Variants in ALMS1 observed in about 807,000 individuals in gnomAD.
The protein encoded by ALMS1 is centrosome-associated protein ALMS1.
In ALMS1, 271 loss-of-function variants were observed where a neutral mutation model predicts 352.2. The ratio of observed to expected loss-of-function variants is 0.77; its 90% CI spans 0.70 to 0.85. The LOEUF is 0.85. Among genes scored for constraint, ALMS1 ranks in the 40% least tolerant of loss-of-function variants. ALMS1 has a pLI of 0.00. For missense variants in ALMS1, 5,445 were observed against 4,870.7 expected (o/e 1.12, Z -3.51); for synonymous variants, 1,865 against 1,761.2 (o/e 1.06, Z -1.48).
chr2:73,498,836 C>T (rs888212276), intron 10 of ALMS1, among the ~76,000 whole-genome samples: 4 of 152,094 alleles, frequency 2.6e-5, no homozygotes, highest in Non-Finnish European at 5.9e-5. Context: ...AGGCTGCTTC[C>T]GAATCTTAGC....
chr2:73,500,115 A>G (rs1673189796), intron 10 of ALMS1, among the ~76,000 whole-genome samples: 1 of 152,232 alleles, frequency 6.6e-6, no homozygotes, highest in African/African-American at 2.4e-5. Context: ...CTGGTTCTAA[A>G]TATGATGAAT....
At chr2:73,579,063 C>CTTT (rs372240184) in intron 16 of ALMS1, among the ~76,000 whole-genome samples, 1,292 of 118,868 alleles carry the variant, frequency 0.011, 220 homozygotes, top group African/African-American at 0.045. Flanking sequence ...CTCCTTTATT[C>CTTT]TTTTTTTATT....
chr2:73,465,202 A>G (rs1359481545), intron 9 of ALMS1, among the ~76,000 whole-genome samples: 2 of 152,278 alleles, frequency 1.3e-5, no homozygotes, highest in East Asian at 3.9e-4. Flanking sequence ...CCAAAAGAAC[A>G]AAGCTGGAGG....
chr2:73,414,717 G>T (rs541925408), intron 2 of ALMS1, among the ~76,000 whole-genome samples: 55 of 151,042 alleles, frequency 3.6e-4, no homozygotes, highest in Non-Finnish European at 6.4e-4. Context: ...GGTTCTTCTG[G>T]TTTTTTTTCT....
At chr2:73,600,251 T>A (rs1435258106) in intron 17 of ALMS1, among the ~76,000 whole-genome samples, 1 of 152,252 alleles carries the variant, frequency 6.6e-6, no homozygotes, top group East Asian at 1.9e-4. Flanking sequence ...TGCCTTTCTA[T>A]ACCTTTTGGT....
At chr2:73,446,816 A>C (rs759712051) in intron 7 of ALMS1, among the ~76,000 whole-genome samples, 1 of 152,176 alleles carries the variant, frequency 6.6e-6, no homozygotes, top group Non-Finnish European at 1.5e-5. Context: ...AGAAATGCAG[A>C]ATTTCAGGTC....
chr2:73,507,308 G>A (rs1278465631), intron 10 of ALMS1, among the ~76,000 whole-genome samples: 2 of 152,198 alleles, frequency 1.3e-5, no homozygotes, highest in African/African-American at 2.4e-5. Flanking sequence ...GAGTTAGGGA[G>A]GAGTCCCTCT....
At chr2:73,479,170 G>A (rs1231816267) in intron 9 of ALMS1, among the ~76,000 whole-genome samples, 1 of 151,974 alleles carries the variant, frequency 6.6e-6, no homozygotes, top group Non-Finnish European at 1.5e-5. Flanking sequence ...ATTTTGTTTT[G>A]AAATAATTGT....
At position 73,572,992 on chromosome 2, in the gene ALMS1, G is replaced by T. The variant is rs2104106559; in HGVS notation, c.11115G>T (p.Arg3705Ser). The T allele has an allele frequency of 1.2e-6, 2 of 1,614,042 alleles. No homozygotes were observed. Among genetic ancestry groups the T allele is most frequent in the Admixed American group, 3.3e-5 (2 of 59,982 alleles). ...SKVLSHHRAG[R>S]SNQIKIEQIK... ...TGCTTTCTCATCATCGAGCTGGGAGGTCTAATCAAATTAAAATTGAACAGA... is the reference window on the plus strand; with the variant it reads ...TGCTTTCTCATCATCGAGCTGGGAGTTCTAATCAAATTAAAATTGAACAGA... Residue 3705 changes from arginine (R) to serine (S), a missense_variant, in exon 16 of 23, where the codon AGG (arginine) becomes AGT (serine). Physicochemically the swap from Arg to Ser is moderately radical, Grantham distance 110 (BLOSUM62 -1). Coordinates refer to ENST00000613296, the MANE Select transcript of ALMS1 (RefSeq NM_001378454.1).
At chr2:73,515,811 A>T (rs1241515902) in intron 10 of ALMS1, among the ~76,000 whole-genome samples, 1 of 151,620 alleles carries the variant, frequency 6.6e-6, no homozygotes, top group Non-Finnish European at 1.5e-5. Context: ...ACACAAACTC[A>T]GAGACTATTA....
intron 12 of ALMS1, among the ~76,000 whole-genome samples, chr2:73,547,698 C>G (rs1159604589): frequency 6.6e-6 from 1 of 152,160 alleles, no homozygotes; most frequent in African/African-American, 2.4e-5. Context: ...TCTAGTACTA[C>G]TGCAATTATG....
At chr2:73,391,553 A>G (rs1357400284) in intron 1 of ALMS1, among the ~76,000 whole-genome samples, 4 of 152,094 alleles carry the variant, frequency 2.6e-5, no homozygotes, top group South Asian at 2.1e-4. Flanking sequence ...TCGGCCTCCC[A>G]AAGTGCTGGG....
intron 16 of ALMS1, among the ~76,000 whole-genome samples, chr2:73,585,995 A>G (rs1372370848): frequency 6.6e-6 from 1 of 151,982 alleles, no homozygotes; most frequent in African/African-American, 2.4e-5. Flanking sequence ...CCTGACCTCA[A>G]GTGATCCACC....
chr2:73,564,932 G>A (rs116473723), intron 15 of ALMS1, among the ~76,000 whole-genome samples: 3,375 of 152,220 alleles, frequency 0.022, 125 homozygotes, highest in Admixed American at 0.089. Context: ...ATTTTGTACT[G>A]GTATAATTTA....
intron 1 of ALMS1, among the ~76,000 whole-genome samples, chr2:73,392,260 A>ATGTGTG (rs60487895): frequency 4.8e-4 from 71 of 146,466 alleles, no homozygotes; most frequent in African/African-American, 1.6e-3. Flanking sequence ...GTTTACTTTG[A>ATGTGTG]TGTGTGTGTG....
chr2:73,448,312 TG>T lies in ALMS1; in HGVS notation c.1786del (p.Glu596LysfsTer4). ...QQGLPDSHLT[E>X]EALKVSAAPG... ...AGGGCTTGCCAGACAGTCATCTAACTGAAGAGGCTTTGAAAGTTTCAGCTGC... is the reference window on the plus strand; with the variant it reads ...AGGGCTTGCCAGACAGTCATCTAACTAAGAGGCTTTGAAAGTTTCAGCTGC... On this transcript the variant is annotated frameshift_variant, in exon 8 of 23. Coordinates refer to ENST00000613296, the MANE Select transcript of ALMS1 (RefSeq NM_001378454.1). LOFTEE classifies it high-confidence loss of function. The T allele has an allele frequency of 1.9e-6, 3 of 1,614,040 alleles. No homozygotes were observed. The highest frequency in any genetic ancestry group is 2.5e-6 in the Non-Finnish European group (3 of 1,179,946).
At chr2:73,465,187 C>G (rs969412608) in intron 9 of ALMS1, among the ~76,000 whole-genome samples, 3 of 152,110 alleles carry the variant, frequency 2.0e-5, no homozygotes, top group African/African-American at 4.8e-5. Context: ...CAAGTCAATC[C>G]TAAGCCAAAA....
chr2:73,580,816 A>G (rs897839737), intron 16 of ALMS1, among the ~76,000 whole-genome samples: 7 of 152,126 alleles, frequency 4.6e-5, no homozygotes, highest in Non-Finnish European at 8.8e-5. Context: ...TTGTTGTGTG[A>G]TATTTCTGTT....
At chr2:73,531,301 A>G (rs1253655605) in intron 11 of ALMS1, among the ~76,000 whole-genome samples, 5 of 152,286 alleles carry the variant, frequency 3.3e-5, no homozygotes, top group African/African-American at 1.2e-4. Flanking sequence ...CTGTTTAGAA[A>G]TTTCTCCTGC....
Sources: gnomAD v4.1 joint callset for allele counts (sites outside exome capture counted in the v4.1 genomes callset) on GRCh38, gnomAD v4.1.1 for gene constraint, MANE v1.5 for transcripts, NCBI Gene and HGNC (gene_info 2026-07-23, HGNC 2026-07-21) for gene names.